The following RPS6KA6 variants were observed in gnomAD, a reference collection of about 807,000 sequenced individuals.
The protein encoded by RPS6KA6 is ribosomal protein S6 kinase A6.
In RPS6KA6, 27 loss-of-function variants were observed where a neutral mutation model predicts 65.4. That is an observed-to-expected ratio of 0.41 (90% confidence interval 0.30 to 0.57). The LOEUF (loss-of-function observed/expected upper bound fraction) is 0.57, where lower values mean the gene tolerates loss of function less well. Among genes scored for constraint, RPS6KA6 ranks in the 20% least tolerant of loss-of-function variants. RPS6KA6 has a pLI of 0.24. For missense variants in RPS6KA6, 486 were observed against 555.6 expected (o/e 0.87, Z 1.26); for synonymous variants, 190 against 184.2 (o/e 1.03, Z -0.26).
chrX:84,070,445 C>T lies in RPS6KA6; in HGVS notation c.1972-5334G>A, dbSNP rs188473758. ...CATTAGGACAGATACCTAATGCTTG[C>T]GGGGCTTAAAAACTGAATGACGGGT... On this transcript the variant is annotated intron_variant, in intron 20 of 21. Coordinates refer to ENST00000262752, the MANE Select transcript of RPS6KA6 (RefSeq NM_014496.5). Among the ~76,000 whole-genome samples the T allele has an allele frequency of 1.7e-3, 192 of 110,100 alleles. 2 individuals are homozygous for T. The highest frequency in any genetic ancestry group is 6.0e-3 in the African/African-American group (181 of 30,238).
intron 8 of RPS6KA6, among the ~76,000 whole-genome samples, chrX:84,130,409 C>T (rs1569400296): frequency 9.0e-6 from 1 of 111,564 alleles, no homozygotes; most frequent in East Asian, 2.8e-4. Context: ...GGTGGGTATA[C>T]AAAATATTAC....
At chrX:84,120,246 C>A (rs1355200143) in intron 8 of RPS6KA6, among the ~76,000 whole-genome samples, 1 of 110,886 alleles carries the variant, frequency 9.0e-6, no homozygotes, top group Non-Finnish European at 1.9e-5. Flanking sequence ...ATCTCATCCT[C>A]AAAATACATG....
chrX:84,157,909 C>T (rs1319139767), intron 2 of RPS6KA6, among the ~76,000 whole-genome samples: 1 of 109,402 alleles, frequency 9.1e-6, no homozygotes, highest in East Asian at 2.8e-4. Flanking sequence ...CTCTAAAATG[C>T]AATGTCTTTC....
intron 8 of RPS6KA6, among the ~76,000 whole-genome samples, chrX:84,123,298 T>C (rs1569396925): frequency 2.7e-5 from 3 of 112,401 alleles, no homozygotes; most frequent in Non-Finnish European, 1.9e-5. Context: ...AAAGATTCCT[T>C]CTGTTTGAGA....
chrX:84,125,694 A>C (rs2034769329), intron 8 of RPS6KA6, among the ~76,000 whole-genome samples: 1 of 110,737 alleles, frequency 9.0e-6, no homozygotes, highest in Non-Finnish European at 1.9e-5. Context: ...TCTACTAAAA[A>C]TACCAAAAAA....
At chrX:84,180,667 A>C (rs758527571) in intron 1 of RPS6KA6, among the ~76,000 whole-genome samples, 2 of 112,272 alleles carry the variant, frequency 1.8e-5, no homozygotes, top group Non-Finnish European at 3.8e-5. Flanking sequence ...AAAACAAAAC[A>C]AAACAAAAAA....
At chrX:84,132,300 G>C (rs1451163552) in intron 8 of RPS6KA6, among the ~76,000 whole-genome samples, 2 of 110,314 alleles carry the variant, frequency 1.8e-5, no homozygotes, top group Non-Finnish European at 3.8e-5. Context: ...TGTTCCTGAA[G>C]TCCCAGCTAC....
intron 1 of RPS6KA6, among the ~76,000 whole-genome samples, chrX:84,174,133 C>T (rs1260446414): frequency 9.0e-6 from 1 of 111,599 alleles, no homozygotes; most frequent in African/African-American, 3.3e-5. Flanking sequence ...TGTACTGTGT[C>T]TTTTATACTA....
At position 84,135,865 on chromosome X, in the gene RPS6KA6, C is replaced by T. The variant is rs1303908314; in HGVS notation, c.502-655G>A. Among the ~76,000 whole-genome samples, 5 of 111,251 alleles carry T rather than the reference C, an allele frequency of 4.5e-5. No homozygotes were observed. The South Asian group carries it at 1.1e-3, about 25-fold the overall frequency. On this transcript the variant is annotated intron_variant, in intron 6 of 21. Transcript: ENST00000262752. ...ATTAATCATTTTGTGTCTGGAAATA[C>T]GGCTGCTATGATGAAGTGAAGAGTA...
intron 1 of RPS6KA6, among the ~76,000 whole-genome samples, chrX:84,167,155 G>C (rs1348886885): frequency 9.0e-6 from 1 of 111,508 alleles, no homozygotes; most frequent in East Asian, 2.8e-4. Context: ...ACATCAAACT[G>C]AATGACTGCA....
In RPS6KA6 at chrX:84,188,084, G is replaced by A. The variant is rs1340654741; in HGVS notation, c.-185C>T. ...CAGAGGCTGGGAGCTGGGGGTCGCC[G>A]CCGCCGCCGCCCGGTGATTCCCATA... On this transcript the variant is annotated 5_prime_UTR_variant, in exon 1 of 22. Coordinates refer to ENST00000262752, the MANE Select transcript of RPS6KA6 (RefSeq NM_014496.5). 3.7e-5 allele frequency among the ~76,000 whole-genome samples: 4 copies of A among 108,198 alleles called. No individual in the cohort carries two copies. The East Asian group carries it at 1.2e-3, about 32-fold the overall frequency. 94.0% of individuals were successfully genotyped at this position (108,198 alleles called of 115,157 possible). A position where few individuals can be genotyped will look rare whatever the true frequency, so the allele number is the denominator to read the frequency against.
At chrX:84,133,003 C>T (rs1165888375) in intron 8 of RPS6KA6, among the ~76,000 whole-genome samples, 2 of 108,369 alleles carry the variant, frequency 1.8e-5, no homozygotes, top group South Asian at 7.6e-4. Flanking sequence ...AGAAAGCAAA[C>T]AAGAAAAATT....
At chrX:84,153,733 T>C (rs760873694) in intron 3 of RPS6KA6, among the ~76,000 whole-genome samples, 32 of 111,261 alleles carry the variant, frequency 2.9e-4, no homozygotes, top group Non-Finnish European at 2.1e-4. Context: ...AGGTTCAGCA[T>C]ATAACAAGTC....
At chrX:84,167,800 G>A in intron 1 of RPS6KA6, among the ~76,000 whole-genome samples, 1 of 110,895 alleles carries the variant, frequency 9.0e-6, no homozygotes. Context: ...ATGTGTGTGT[G>A]TGTGCTGGGG....
chrX:84,073,852 A>T (rs1347772179), intron 20 of RPS6KA6, among the ~76,000 whole-genome samples: 2 of 111,249 alleles, frequency 1.8e-5, no homozygotes, highest in African/African-American at 6.5e-5. Context: ...CCCCAATTAG[A>T]ATGGCTAGTA....
Position 84,064,124 on chromosome X carries a change from G to T in RPS6KA6, c.*153C>A. 1 of 617,109 alleles carries T rather than the reference G, an allele frequency of 1.6e-6. No individual in the cohort carries two copies. Among genetic ancestry groups the T allele is most frequent in the Non-Finnish European group, 2.4e-6 (1 of 416,904 alleles). The allele number at this position is 617,109 out of a possible 1,213,427, so 50.9% of individuals were successfully genotyped here. On this transcript the variant is annotated 3_prime_UTR_variant, in exon 22 of 22. Coordinates refer to ENST00000262752, the MANE Select transcript of RPS6KA6 (RefSeq NM_014496.5). ...TATGAATATTGTGGACCTGTGAATG[G>T]TTTTTTAAATCTCACTTCCCCTAAA...
chrX:84,116,906 A>AT (rs1164300146), intron 11 of RPS6KA6, among the ~76,000 whole-genome samples, 154 bp downstream of exon 11: 2 of 112,132 alleles, frequency 1.8e-5, no homozygotes, highest in Non-Finnish European at 3.8e-5. Context: ...AATCATGGAC[A>AT]TAACAGAGTT....
chrX:84,135,190 A>G lies in RPS6KA6; in HGVS notation c.522T>C (p.Asp174=). The G allele has an allele frequency of 8.4e-7, 1 of 1,189,543 alleles. No individual in the cohort carries two copies. Among genetic ancestry groups the G allele is most frequent in the Non-Finnish European group, 1.1e-6 (1 of 876,785 alleles). The part of the protein sequence containing the change: ...LSKEVLFTEE[D]VKFYLAELAL... Reference sequence around the variant, plus strand: ...CCAGTTCTGCGAGGTAGAATTTCACATCTTCCTCTGTAAACAGAACCTAGA... The same window carrying G: ...CCAGTTCTGCGAGGTAGAATTTCACGTCTTCCTCTGTAAACAGAACCTAGA... The change falls in exon 7 of 22, where the codon GAT becomes GAC. Residue 174 remains aspartate (D), a synonymous_variant. Transcript: ENST00000262752.
intron 3 of RPS6KA6, among the ~76,000 whole-genome samples, chrX:84,150,899 T>G (rs1157134676): frequency 1.3e-4 from 12 of 95,150 alleles, no homozygotes; most frequent in Non-Finnish European, 2.1e-4. Context: ...AGGATATATA[T>G]AGGATATATA....
Sources: gnomAD v4.1 joint callset for allele counts (sites outside exome capture counted in the v4.1 genomes callset) on GRCh38, gnomAD v4.1.1 for gene constraint, MANE v1.5 for transcripts, NCBI Gene and HGNC (gene_info 2026-07-23, HGNC 2026-07-21) for gene names.